Variants in LIPA observed in about 807,000 individuals in gnomAD.
LIPA encodes lipase A, lysosomal acid type.
Under a neutral mutation model 40.6 loss-of-function variants are expected in LIPA, and 26 were observed. The ratio of observed to expected loss-of-function variants is 0.64; its 90% CI spans 0.47 to 0.89. LIPA has a LOEUF of 0.89. Ranked by LOEUF, LIPA falls within the 40% of genes least tolerant of loss-of-function variation. The probability of loss-of-function intolerance (pLI) is 0.00; values close to 1 mark genes in which losing one functional copy is unlikely to be tolerated. For missense variants in LIPA, 455 were observed against 479.6 expected (o/e 0.95, Z 0.48); for synonymous variants, 188 against 168.4 (o/e 1.12, Z -0.90).
rs1434706000 is a variant in LIPA at position 89,259,436 on chromosome 10, T to C, written c.-1-11787A>G. Among the ~76,000 whole-genome samples the C allele has an allele frequency of 2.6e-5, 4 of 152,318 alleles. No individual in the cohort carries two copies. In the East Asian group the frequency reaches 7.7e-4, roughly 29 times the overall value. ...AAATTAAAAAGTGTTGGCAAGGATG[T>C]GAAGCAGCTGGGAAACTCTTTCATC... On this transcript the variant is annotated intron_variant, in intron 1 of 5. Transcript: ENST00000282673.
At chr10:89,299,841 T>G (rs1198780539) in intron 1 of LIPA, among the ~76,000 whole-genome samples, 2 of 151,910 alleles carry the variant, frequency 1.3e-5, no homozygotes, top group Admixed American at 1.3e-4. Context: ...GTACAGTCAT[T>G]ATGGAAAACA....
intron 3 of LIPA, among the ~76,000 whole-genome samples, chr10:89,230,927 G>A (rs1842833890): frequency 6.6e-6 from 1 of 152,160 alleles, no homozygotes; most frequent in South Asian, 2.1e-4. Flanking sequence ...CTGACACACG[G>A]GTCACAGTGA....
chr10:89,308,920 A>G (rs1843500356), intron 1 of LIPA: 1 of 152,256 alleles, frequency 6.6e-6, no homozygotes, highest in African/African-American at 2.4e-5. Flanking sequence ...ATGATAAAAC[A>G]TAAAGCAGTG....
intron 3 of LIPA, among the ~76,000 whole-genome samples, chr10:89,243,452 TG>T (rs1454743341): frequency 6.6e-6 from 1 of 152,138 alleles, no homozygotes; most frequent in Non-Finnish European, 1.5e-5. Context: ...GAGGACCAAA[TG>T]CTATGAACAG....
At chr10:89,232,095 T>C (rs958206583) in intron 3 of LIPA, among the ~76,000 whole-genome samples, 1 of 152,282 alleles carries the variant, frequency 6.6e-6, no homozygotes, top group Non-Finnish European at 1.5e-5. Flanking sequence ...TAAGTGACAA[T>C]TATAATTACC....
intron 2 of LIPA, among the ~76,000 whole-genome samples, chr10:89,398,797 T>A (rs1462073797): frequency 6.6e-6 from 1 of 152,234 alleles, no homozygotes; most frequent in African/African-American, 2.4e-5. Flanking sequence ...CTTAAGTTGC[T>A]CCTACCTTTT....
At chr10:89,310,230 C>A (rs1245046643) in intron 1 of LIPA, among the ~76,000 whole-genome samples, 1 of 152,218 alleles carries the variant, frequency 6.6e-6, no homozygotes. Flanking sequence ...GAAAAAGATT[C>A]ATCACTTCTG....
intron 1 of LIPA, among the ~76,000 whole-genome samples, chr10:89,312,598 G>A (rs1208917598): frequency 6.6e-6 from 1 of 151,944 alleles, no homozygotes; most frequent in Non-Finnish European, 1.5e-5. Flanking sequence ...CACGAGGTCA[G>A]GAGATCGAGA....
At chr10:89,340,056 T>C in intron 1 of LIPA, 15 of 1,613,970 alleles carry the variant, frequency 9.3e-6, no homozygotes, top group Non-Finnish European at 1.3e-5. Flanking sequence ...AGGATGGTAG[T>C]GAGGAAATGG....
intron 2 of LIPA, among the ~76,000 whole-genome samples, chr10:89,357,013 G>A (rs1216613361): frequency 1.3e-5 from 2 of 152,092 alleles, no homozygotes; most frequent in Admixed American, 6.5e-5. Flanking sequence ...TCATGCCTTG[G>A]TCTTTTTGGC....
chr10:89,312,239 G>A (rs1211261910), intron 1 of LIPA, among the ~76,000 whole-genome samples: 2 of 152,076 alleles, frequency 1.3e-5, no homozygotes, highest in East Asian at 1.9e-4. Context: ...CCAGGAGTTC[G>A]AGACCAGCCT....
chr10:89,376,887 C>G (rs924433379), intron 2 of LIPA, among the ~76,000 whole-genome samples: 4 of 152,152 alleles, frequency 2.6e-5, no homozygotes, highest in African/African-American at 9.7e-5. Flanking sequence ...GTTACAGGCC[C>G]AGGACAAAGA....
intron 2 of LIPA, among the ~76,000 whole-genome samples, chr10:89,371,017 CA>C (rs889449541): frequency 1.3e-5 from 2 of 151,764 alleles, no homozygotes; most frequent in South Asian, 4.2e-4. Flanking sequence ...GACTCTGTCT[CA>C]AAAAAACAAA....
At chr10:89,258,598 G>A (rs1012795113) in intron 1 of LIPA, among the ~76,000 whole-genome samples, 1 of 152,170 alleles carries the variant, frequency 6.6e-6, no homozygotes, top group Non-Finnish European at 1.5e-5. Flanking sequence ...CACTGCTGCT[G>A]GAAATGTGAA....
At position 89,225,176 on chromosome 10, in the gene LIPA, A is replaced by C. The variant is rs1410246102; in HGVS notation, c.591T>G (p.Phe197Leu). 4 of 1,614,188 alleles carry C rather than the reference A, an allele frequency of 2.5e-6. No homozygotes were observed. The highest frequency in any genetic ancestry group is 2.2e-5 in the East Asian group (1 of 44,882). ...CGGAAGCCACAGGACCCAGGGCAAA[A>C]AACATTTTAATCCTTTTAGCCAGCT... The part of the protein sequence containing the change: ...IPELAKRIKM[F>L]FALGPVASVA... Residue 197 changes from phenylalanine (F) to leucine (L), a missense_variant, in exon 6 of 10, where the codon TTT becomes TTG. By Grantham distance (22) the Phe-to-Leu change is conservative. Transcript: ENST00000336233.
chr10:89,262,476 G>A (rs1320006359), intron 1 of LIPA, among the ~76,000 whole-genome samples: 1 of 152,148 alleles, frequency 6.6e-6, no homozygotes, highest in African/African-American at 2.4e-5. Context: ...ATGAGCAAAG[G>A]GTCATGGAAA....
intron 1 of LIPA, among the ~76,000 whole-genome samples, chr10:89,341,975 T>G (rs774634426): frequency 9.9e-5 from 15 of 152,240 alleles, no homozygotes; most frequent in Non-Finnish European, 1.8e-4. Flanking sequence ...GAAAGGTAAG[T>G]AGCTGAGGTA....
At chr10:89,226,865 A>G (rs1842776075) in intron 5 of LIPA, 30 bp downstream of exon 5, 1 of 1,246,058 alleles carries the variant, frequency 8.0e-7, no homozygotes, top group Admixed American at 1.7e-5. Context: ...AAGAATTTAT[A>G]TCAACTTCTG....
At chr10:89,330,489 G>A (rs1311570110) in intron 1 of LIPA, among the ~76,000 whole-genome samples, 2 of 152,224 alleles carry the variant, frequency 1.3e-5, no homozygotes, top group Admixed American at 6.5e-5. Context: ...CCTATCTGGA[G>A]AGTAAGGGCC....
Sources: allele counts gnomAD v4.1 joint callset (sites outside exome capture counted in the v4.1 genomes callset), GRCh38; gene constraint gnomAD v4.1.1; transcripts MANE v1.5; gene names NCBI Gene and HGNC (gene_info 2026-07-23, HGNC 2026-07-21).